Variants in DCAF7 observed in about 807,000 individuals in gnomAD.
DCAF7 encodes the protein DDB1 and CUL4 associated factor 7.
Under a neutral mutation model 41.2 loss-of-function variants are expected in DCAF7, and 4 were observed. The observed-to-expected ratio is 0.10, with a 90% CI of 0.05 to 0.22. DCAF7 has a LOEUF of 0.22. Among genes scored for constraint, DCAF7 ranks in the 10% least tolerant of loss-of-function variants. DCAF7 has a pLI of 1.00. For synonymous variants in DCAF7, 143 were observed against 164.2 expected (o/e 0.87, Z 0.99); for missense variants, 131 against 443.2 (o/e 0.30, Z 6.32).
At chr17:63,557,580 G>C (rs1045131440) in intron 1 of DCAF7, among the ~76,000 whole-genome samples, 2 of 152,046 alleles carry the variant, frequency 1.3e-5, no homozygotes, top group Admixed American at 1.3e-4. Flanking sequence ...AGGGAGGACA[G>C]ATTGAAAAAT....
chr17:63,559,375 GTGTATATA>G (rs2033349533), intron 1 of DCAF7, among the ~76,000 whole-genome samples: 3 of 81,170 alleles, frequency 3.7e-5, no homozygotes, highest in Admixed American at 2.3e-4. Context: ...ATATATATAT[GTGTATATA>G]TATGTATATA....
chr17:63,557,728 G>C (rs1028286678), intron 1 of DCAF7, among the ~76,000 whole-genome samples: 12 of 152,104 alleles, frequency 7.9e-5, no homozygotes, highest in African/African-American at 2.9e-4. Context: ...GAACTTAGAA[G>C]TAAAGATTTG....
At chr17:63,556,962 A>G (rs2033317949) in intron 1 of DCAF7, among the ~76,000 whole-genome samples, 1 of 152,170 alleles carries the variant, frequency 6.6e-6, no homozygotes, top group South Asian at 2.1e-4. Context: ...CAGGAGGTCA[A>G]GGCTGCAGTG....
intron 6 of DCAF7, 131 bp downstream of exon 6, chr17:63,585,459 C>A: frequency 1.3e-6 from 1 of 771,528 alleles, no homozygotes. Context: ...CTAGTTGGAG[C>A]CTCTCCACAC....
intron 1 of DCAF7, among the ~76,000 whole-genome samples, chr17:63,566,399 T>C (rs2033443013): frequency 6.6e-6 from 1 of 151,496 alleles, no homozygotes; most frequent in Non-Finnish European, 1.5e-5. Flanking sequence ...GTTACACTTA[T>C]AGAATCTGTC....
At chr17:63,559,484 A>G (rs1409073100) in intron 1 of DCAF7, among the ~76,000 whole-genome samples, 1 of 145,274 alleles carries the variant, frequency 6.9e-6, no homozygotes, top group Non-Finnish European at 1.5e-5. Flanking sequence ...TTGAAACCAG[A>G]AAAAAAAATT....
intron 1 of DCAF7, among the ~76,000 whole-genome samples, chr17:63,559,425 ATATATATGTGTGTG>A (rs2033354876): frequency 9.7e-6 from 1 of 103,438 alleles, no homozygotes; most frequent in Admixed American, 9.7e-5. Context: ...ATATACGTAT[ATATATATGTGTGTG>A]TATATATATA....
At chr17:63,571,923 T>A (rs1288236303) in intron 1 of DCAF7, among the ~76,000 whole-genome samples, 1 of 151,964 alleles carries the variant, frequency 6.6e-6, no homozygotes, top group Non-Finnish European at 1.5e-5. Flanking sequence ...GCAAGTCTGA[T>A]AGCTAAGTTG....
chr17:63,579,678 C>CG (rs2033598999), intron 3 of DCAF7, 147 bp from the exon 4 acceptor site: 2 of 717,666 alleles, frequency 2.8e-6, no homozygotes, highest in South Asian at 3.8e-5. Flanking sequence ...TTGACTGCCT[C>CG]GGTGGCTCTG....
In DCAF7 at chr17:63,559,379, ATATATATGTATATATATATG is replaced by A. The variant is rs2033350323; in HGVS notation, c.138+8572_138+8591del. Among the ~76,000 whole-genome samples the A allele has an allele frequency of 4.5e-4, 24 of 53,412 alleles. 1 individual carries two copies. The highest frequency in any genetic ancestry group is 7.0e-4 in the Non-Finnish European group (17 of 24,278). The allele number at this position is 53,412 out of a possible 152,430, so 35.0% of individuals were successfully genotyped here. The stretch of plus-strand genomic sequence containing the variant: ...TATATGTATGTATATATATATGTGT[ATATATATGTATATATATATG>A]TATATATATGTATATATATACGTAT... On this transcript the variant is annotated intron_variant, in intron 1 of 6. Coordinates refer to ENST00000614556, the MANE Select transcript of DCAF7 (RefSeq NM_005828.5).
rs1391032658 is a variant in DCAF7 at position 63,592,078 on chromosome 17, A to G, written c.*2906A>G. Reference sequence around the variant, plus strand: ...TTCTTCCAGGGAGGAATTAGCCTGCAAGGTTAGGACTTGAAGAGGGAAGGT... The same window carrying G: ...TTCTTCCAGGGAGGAATTAGCCTGCGAGGTTAGGACTTGAAGAGGGAAGGT... On this transcript the variant is annotated 3_prime_UTR_variant, in exon 7 of 7. Coordinates refer to ENST00000614556, the MANE Select transcript of DCAF7 (RefSeq NM_005828.5). The G allele has an allele frequency of 1.3e-5, 2 of 152,166 alleles. No homozygotes were observed. The highest frequency in any genetic ancestry group is 2.9e-5 in the Non-Finnish European group (2 of 68,054). 9.4% of individuals were successfully genotyped at this position (152,166 alleles called of 1,614,324 possible).
At chr17:63,565,899 G>A (rs1034505018) in intron 1 of DCAF7, among the ~76,000 whole-genome samples, 1 of 152,040 alleles carries the variant, frequency 6.6e-6, no homozygotes, top group Non-Finnish European at 1.5e-5. Flanking sequence ...TCAGGAGTTC[G>A]AGACCAGCCT....
intron 1 of DCAF7, among the ~76,000 whole-genome samples, chr17:63,570,630 A>T (rs770263012): frequency 6.6e-6 from 1 of 152,178 alleles, no homozygotes; most frequent in Non-Finnish European, 1.5e-5. Flanking sequence ...GGCAAGTCAG[A>T]AAGTAGTGCT....
chr17:63,588,931 T>C (rs1598039361), intron 6 of DCAF7, 69 bp from the exon 7 acceptor site: 6 of 1,496,232 alleles, frequency 4.0e-6, no homozygotes, highest in Non-Finnish European at 5.4e-6. Flanking sequence ...GACTTGCTCC[T>C]GAAATGCAGG....
At chr17:63,555,055 C>T (rs991539021) in intron 1 of DCAF7, among the ~76,000 whole-genome samples, 4 of 152,190 alleles carry the variant, frequency 2.6e-5, no homozygotes, top group Non-Finnish European at 5.9e-5. Context: ...GGCTTACCTA[C>T]GTAAGTCAGA....
intron 1 of DCAF7, among the ~76,000 whole-genome samples, chr17:63,553,102 T>C (rs563189314): frequency 3.3e-5 from 5 of 152,368 alleles, no homozygotes; most frequent in African/African-American, 4.8e-5. Context: ...AAACCACTTA[T>C]GTTGCACTAC....
chr17:63,577,164 T>C (rs1052763048), intron 1 of DCAF7, among the ~76,000 whole-genome samples: 7 of 152,168 alleles, frequency 4.6e-5, no homozygotes. Context: ...TGGGAGAGCT[T>C]TCTGGGTTAA....
chr17:63,559,429 A>ATGTGTGTGTG (rs1469124112), intron 1 of DCAF7, among the ~76,000 whole-genome samples: 1 of 107,240 alleles, frequency 9.3e-6, no homozygotes, highest in Non-Finnish European at 1.7e-5. Context: ...ACGTATATAT[A>ATGTGTGTGTG]TATGTGTGTG....
At chr17:63,562,415 A>G (rs1311151518) in intron 1 of DCAF7, among the ~76,000 whole-genome samples, 1 of 152,204 alleles carries the variant, frequency 6.6e-6, no homozygotes, top group Non-Finnish European at 1.5e-5. Flanking sequence ...AGAGTCAACA[A>G]AGGAAAAGAT....
Sources: allele counts gnomAD v4.1 joint callset (sites outside exome capture counted in the v4.1 genomes callset), GRCh38; gene constraint gnomAD v4.1.1; transcripts MANE v1.5; gene names NCBI Gene and HGNC (gene_info 2026-07-23, HGNC 2026-07-21).